Variants in SLC35D3 observed in about 807,000 individuals in gnomAD.
SLC35D3 encodes the protein solute carrier family 35 member D3, also known as frc, fringe-like 1.
A neutral mutation model predicts 20.3 loss-of-function variants in SLC35D3; 18 were observed. The observed-to-expected ratio is 0.89, with a 90% CI of 0.61 to 1.32. The LOEUF is 1.32. Ranked by LOEUF, SLC35D3 falls within the 40% of genes most tolerant of loss-of-function variation. The pLI is 0.00. For missense variants in SLC35D3, 556 were observed against 565.5 expected, an observed-to-expected ratio of 0.98 and a Z score of 0.17; for synonymous variants, 313 against 263.5, an observed-to-expected ratio of 1.19 and a Z score of -1.82.
chr6:136,923,649 G>C lies in SLC35D3; in HGVS notation c.440-236G>C, dbSNP rs1776091528. Among the ~76,000 whole-genome samples, 1 of 152,200 alleles carries C rather than the reference G, an allele frequency of 6.6e-6. No individual in the cohort carries two copies. On this transcript the variant is annotated intron_variant, in intron 1 of 1. Coordinates refer to ENST00000331858, the MANE Select transcript of SLC35D3 (RefSeq NM_001008783.3). The surrounding 1 kb of genome is among the most constrained non-coding windows in gnomAD (Gnocchi z 6.2). The stretch of plus-strand genomic sequence containing the variant: ...TGGACAGAGGAAGATGGAGTGACCC[G>C]GGGATATGGCGGGAAGGCGCTCTGA...
chr6:136,922,371 G>A lies in SLC35D3; in HGVS notation c.-58G>A. ...CGCCGCCCTCACTCCGCTGCTCCCG[G>A]CTCCTCGCGCGCAGGTCGCGGAGCT... On this transcript the variant is annotated 5_prime_UTR_variant, in exon 1 of 2. Coordinates refer to ENST00000331858, the MANE Select transcript of SLC35D3 (RefSeq NM_001008783.3). This position sits in a 1 kb window ranked among gnomAD's most constrained non-coding sequence, Gnocchi z 6.8. The A allele has an allele frequency of 7.3e-7, 1 of 1,366,386 alleles. No homozygotes were observed. The highest frequency in any genetic ancestry group is 9.4e-7 in the Non-Finnish European group (1 of 1,066,526). 84.6% of individuals were successfully genotyped at this position (1,366,386 alleles called of 1,614,324 possible).
chr6:136,922,612 C>T lies in SLC35D3; in HGVS notation c.184C>T (p.Leu62Phe). The change falls in exon 1 of 2, where the codon CTC (leucine) becomes TTC (phenylalanine). Residue 62 changes from leucine (L) to phenylalanine (F), a missense_variant. Physicochemically the swap from Leu to Phe is conservative, Grantham distance 22. Transcript: ENST00000331858. This position sits in a 1 kb window ranked among gnomAD's most constrained non-coding sequence, Gnocchi z 6.8. ...GCTGAGCCTGGAGCTGCTGCGGCGC[C>T]TCGGGCTCATCGCCGTGCCCCCCTT... is the stretch of plus-strand genomic sequence containing the variant. ...AALSLELLRRLGLIAVPPFGL... is the reference protein window; with the variant it reads ...AALSLELLRRFGLIAVPPFGL... 6.2e-7 allele frequency: 1 copy of T among 1,611,434 alleles called. No homozygotes were observed. Among genetic ancestry groups the T allele is most frequent in the Non-Finnish European group, 8.5e-7 (1 of 1,179,678 alleles).
rs1776085553 is a variant in SLC35D3, at chr6:136,923,126, C to T, written c.439+259C>T. Among the ~76,000 whole-genome samples the T allele has an allele frequency of 2.0e-5, 3 of 152,164 alleles. No homozygotes were observed. On this transcript the variant is annotated intron_variant, in intron 1 of 1. Coordinates refer to ENST00000331858, the MANE Select transcript of SLC35D3 (RefSeq NM_001008783.3). This position sits in a 1 kb window ranked among gnomAD's most constrained non-coding sequence, Gnocchi z 6.2. ...CCCTCGCCCATGCTTCACCCGGCAT[C>T]GCCCTTCCTGTCGCCCCCTCTCCTG...
rs2115308492 is a variant in SLC35D3, at chr6:136,923,659, C to A, written c.440-226C>A. Among the ~76,000 whole-genome samples the A allele has an allele frequency of 6.6e-6, 1 of 152,250 alleles. No homozygotes were observed. On this transcript the variant is annotated intron_variant, in intron 1 of 1. Coordinates refer to ENST00000331858, the MANE Select transcript of SLC35D3 (RefSeq NM_001008783.3). This position sits in a 1 kb window ranked among gnomAD's most constrained non-coding sequence, Gnocchi z 6.2. ...AAGATGGAGTGACCCGGGGATATGG[C>A]GGGAAGGCGCTCTGAGCACTGAGTT...
Position 136,924,658 on chromosome 6 carries a change from G to T in SLC35D3, c.1213G>T (p.Asp405Tyr). ...LVRGTRYMKK[D>Y]YLIENEELPS... ...TAGGGGAACCAGGTATATGAAGAAG[G>T]ATTATTTGATAGAAAACGAGGAGTT... The change falls in exon 2 of 2, where the codon GAT (aspartate) becomes TAT (tyrosine). Residue 405 changes from aspartate to tyrosine, a missense_variant. By Grantham distance (160) the Asp-to-Tyr change is radical (BLOSUM62 -3). Transcript: ENST00000331858. 6.8e-6 allele frequency: 11 copies of T among 1,613,514 alleles called. No homozygotes were observed. The highest frequency in any genetic ancestry group is 9.3e-6 in the Non-Finnish European group (11 of 1,179,680).
Position 136,922,898 on chromosome 6 carries a change from G to A in SLC35D3, c.439+31G>A. 3.3e-6 allele frequency: 5 copies of A among 1,492,766 alleles called. No homozygotes were observed. The highest frequency in any genetic ancestry group is 3.5e-6 in the Non-Finnish European group (4 of 1,127,900). 92.5% of individuals were successfully genotyped at this position (1,492,766 alleles called of 1,614,324 possible). ...CGGGCCCCCGCGCCGACCCCCAGCC[G>A]ACCCCACCCACCCCGCTCCGTCGGG... On this transcript the variant is annotated intron_variant, in intron 1 of 1. Coordinates refer to ENST00000331858, the MANE Select transcript of SLC35D3 (RefSeq NM_001008783.3). The surrounding 1 kb of genome is among the most constrained non-coding windows in gnomAD (Gnocchi z 6.8).
chr6:136,925,313 T>C lies in SLC35D3; in HGVS notation c.*617T>C, dbSNP rs937339261. 6.5e-6 allele frequency: 1 copy of C among 152,686 alleles called. No homozygotes were observed. Among genetic ancestry groups the C allele is most frequent in the Admixed American group, 6.5e-5 (1 of 15,282 alleles). 9.5% of individuals were successfully genotyped at this position (152,686 alleles called of 1,614,324 possible). A position where few individuals can be genotyped will look rare whatever the true frequency, so the allele number is the denominator to read the frequency against. On this transcript the variant is annotated 3_prime_UTR_variant, in exon 2 of 2. Transcript: ENST00000331858. The stretch of plus-strand genomic sequence containing the variant: ...AAAGCTATTTTGAAAATATGAGTTC[T>C]TAGCTTTAATCATGAAGTCTGAAGT...
At position 136,922,773 on chromosome 6, in the gene SLC35D3, C is replaced by G. The variant is rs992331496; in HGVS notation, c.345C>G (p.Thr115=). 1.3e-6 allele frequency: 2 copies of G among 1,566,162 alleles called. No individual in the cohort carries two copies. Among genetic ancestry groups the G allele is most frequent in the African/African-American group, 1.4e-5 (1 of 73,976 alleles). ...VVFKRCLPLV[T]MLIGVLVLKN... ...TCAAGCGCTGCCTGCCCCTGGTCACCATGCTCATCGGCGTCCTGGTGCTCA... is the reference window on the plus strand; with the variant it reads ...TCAAGCGCTGCCTGCCCCTGGTCACGATGCTCATCGGCGTCCTGGTGCTCA... The change falls in exon 1 of 2, where the codon ACC becomes ACG. Residue 115 remains threonine (T), a synonymous_variant. Transcript: ENST00000331858. This position sits in a 1 kb window ranked among gnomAD's most constrained non-coding sequence, Gnocchi z 6.8.
At position 136,924,533 on chromosome 6, in the gene SLC35D3, T is replaced by C; in HGVS notation, c.1088T>C (p.Val363Ala). The C allele has an allele frequency of 1.9e-6, 3 of 1,612,932 alleles. No homozygotes were observed. The highest frequency in any genetic ancestry group is 2.5e-6 in the Non-Finnish European group (3 of 1,179,816). Reference protein sequence around the residue: ...GGPAQESRQEVRGSPRGVPLV... With the variant: ...GGPAQESRQEARGSPRGVPLV... ...CCCGCTCAGGAGAGCAGGCAAGAGG[T>C]CAGGGGCAGCCCCCGAGGAGTCCCG... The change falls in exon 2 of 2, where the codon GTC becomes GCC. Residue 363 changes from valine to alanine, a missense_variant. By Grantham distance (64) the Val-to-Ala change is moderately conservative (BLOSUM62 0). Transcript: ENST00000331858.
At position 136,925,561 on chromosome 6, in the gene SLC35D3, A is replaced by G. The variant is rs1019370666; in HGVS notation, c.*865A>G. On this transcript the variant is annotated 3_prime_UTR_variant, in exon 2 of 2. Coordinates refer to ENST00000331858, the MANE Select transcript of SLC35D3 (RefSeq NM_001008783.3). ...TGCACATCCCAAACCATGTTACAAAAAGAGCAACTGCTATATTCACATTAT... is the reference window on the plus strand; with the variant it reads ...TGCACATCCCAAACCATGTTACAAAGAGAGCAACTGCTATATTCACATTAT... The G allele has an allele frequency of 6.6e-6, 1 of 152,238 alleles. No homozygotes were observed. The highest frequency in any genetic ancestry group is 2.4e-5 in the African/African-American group (1 of 41,466). 9.4% of individuals were successfully genotyped at this position (152,238 alleles called of 1,614,324 possible). A position where few individuals can be genotyped will look rare whatever the true frequency, so the allele number is the denominator to read the frequency against.
rs750289416 is a variant in SLC35D3 at position 136,924,125 on chromosome 6, G to C, written c.680G>C (p.Cys227Ser). Residue 227 changes from cysteine (C) to serine (S), a missense_variant, in exon 2 of 2, where the codon TGC becomes TCC. Physicochemically the swap from Cys to Ser is moderately radical, Grantham distance 112. Coordinates refer to ENST00000331858, the MANE Select transcript of SLC35D3 (RefSeq NM_001008783.3). ...GGCTGGAAGGACCCGGCCATGGTCT[G>C]CATCTTCGTGGCCTGCATCCTGATC... ...FPGWKDPAMV[C>S]IFVACILIGC... 6.2e-7 allele frequency: 1 copy of C among 1,612,666 alleles called. No homozygotes were observed. Among genetic ancestry groups the C allele is most frequent in the Non-Finnish European group, 8.5e-7 (1 of 1,180,014 alleles).
rs1046508767 is a variant in SLC35D3, at chr6:136,925,412, G to A, written c.*716G>A. The A allele has an allele frequency of 3.3e-5, 5 of 152,452 alleles. No individual in the cohort carries two copies. The highest frequency in any genetic ancestry group is 6.6e-5 in the Admixed American group (1 of 15,262). 9.4% of individuals were successfully genotyped at this position (152,452 alleles called of 1,614,324 possible). A position where few individuals can be genotyped will look rare whatever the true frequency, so the allele number is the denominator to read the frequency against. On this transcript the variant is annotated 3_prime_UTR_variant, in exon 2 of 2. Transcript: ENST00000331858. ...ATATTTATTATTGAATGCCAAACCT[G>A]TTCTTTTTTTTACTGTGTCCAATAT... is the stretch of plus-strand genomic sequence containing the variant.
At position 136,923,774 on chromosome 6, in the gene SLC35D3, C is replaced by G; in HGVS notation, c.440-111C>G. 5 of 1,080,654 alleles carry G rather than the reference C, an allele frequency of 4.6e-6. No homozygotes were observed. The highest frequency in any genetic ancestry group is 3.1e-4 in the Middle Eastern group (1 of 3,202). 66.9% of individuals were successfully genotyped at this position (1,080,654 alleles called of 1,614,324 possible). A position where few individuals can be genotyped will look rare whatever the true frequency, so the allele number is the denominator to read the frequency against. ...GGCAGAGCTGGGGCGCGAACCCAGT[C>G]TCCTTTCCTACCCGACGCGTTTTCC... On this transcript the variant is annotated intron_variant, in intron 1 of 1. Coordinates refer to ENST00000331858, the MANE Select transcript of SLC35D3 (RefSeq NM_001008783.3). The surrounding 1 kb of genome is among the most constrained non-coding windows in gnomAD (Gnocchi z 6.2).
rs1776114429 is a variant in SLC35D3 at position 136,924,934 on chromosome 6, G to GC, written c.*239dup. Reference sequence around the variant, plus strand: ...ATGTGAAGCTACTTAACAAAGTAAGGCAACGTTTCTGCTTCAGACTCCTGG... The same window carrying GC: ...ATGTGAAGCTACTTAACAAAGTAAGGCCAACGTTTCTGCTTCAGACTCCTGG... On this transcript the variant is annotated 3_prime_UTR_variant, in exon 2 of 2. Coordinates refer to ENST00000331858, the MANE Select transcript of SLC35D3 (RefSeq NM_001008783.3). 2.3e-6 allele frequency: 1 copy of GC among 425,594 alleles called. No individual in the cohort carries two copies. Among genetic ancestry groups the GC allele is most frequent in the African/African-American group, 2.0e-5 (1 of 49,846 alleles). 26.4% of individuals were successfully genotyped at this position (425,594 alleles called of 1,614,324 possible). A position where few individuals can be genotyped will look rare whatever the true frequency, so the allele number is the denominator to read the frequency against.
chr6:136,924,794 A>G lies in SLC35D3; in HGVS notation c.*98A>G, dbSNP rs986458585. On this transcript the variant is annotated 3_prime_UTR_variant, in exon 2 of 2. Transcript: ENST00000331858. ...GGCCTCCCCGTTTTATTCTTTGAGG[A>G]GTGGGGAAGGGAAGAAAAGAAAGAA... is the stretch of plus-strand genomic sequence containing the variant. The G allele has an allele frequency of 5.8e-5, 71 of 1,216,058 alleles. No individual in the cohort carries two copies. Among genetic ancestry groups the G allele is most frequent in the Non-Finnish European group, 7.7e-5 (69 of 896,750 alleles). The allele number at this position is 1,216,058 out of a possible 1,614,324, so 75.3% of individuals were successfully genotyped here.
Position 136,922,697 on chromosome 6 carries a change from G to T in SLC35D3, c.269G>T (p.Ser90Ile). 1 of 1,598,378 alleles carries T rather than the reference G, an allele frequency of 6.3e-7. No homozygotes were observed. The highest frequency in any genetic ancestry group is 8.5e-7 in the Non-Finnish European group (1 of 1,173,780). Residue 90 changes from serine (S) to isoleucine (I), a missense_variant, in exon 1 of 2, where the codon AGC becomes ATC. Coordinates refer to ENST00000331858, the MANE Select transcript of SLC35D3 (RefSeq NM_001008783.3). The surrounding 1 kb of genome is among the most constrained non-coding windows in gnomAD (Gnocchi z 6.8). ...GVAVLSTLQS[S>I]LTLWSLRGLS... ...GCGGTGCTCTCCACGCTGCAGTCCA[G>T]CCTCACGCTCTGGTCCCTGCGCGGC... is the stretch of plus-strand genomic sequence containing the variant.
chr6:136,924,279 G>T lies in SLC35D3; in HGVS notation c.834G>T (p.Glu278Asp), dbSNP rs752255661. The T allele has an allele frequency of 1.9e-6, 3 of 1,613,988 alleles. No individual in the cohort carries two copies. The highest frequency in any genetic ancestry group is 2.5e-6 in the Non-Finnish European group (3 of 1,180,052). ...TVGMVAFSDV[E>D]PTSLFIAGVV... Reference sequence around the variant, plus strand: ...GCATGGTGGCCTTCAGCGACGTGGAGCCCACCTCTCTGTTCATTGCCGGCG... The same window carrying T: ...GCATGGTGGCCTTCAGCGACGTGGATCCCACCTCTCTGTTCATTGCCGGCG... Residue 278 changes from glutamate to aspartate, a missense_variant, in exon 2 of 2, where the codon GAG becomes GAT. Coordinates refer to ENST00000331858, the MANE Select transcript of SLC35D3 (RefSeq NM_001008783.3).
Position 136,922,903 on chromosome 6 carries a change from C to T in SLC35D3, c.439+36C>T. Reference sequence around the variant, plus strand: ...CCCCGCGCCGACCCCCAGCCGACCCCACCCACCCCGCTCCGTCGGGCAGAG... The same window carrying T: ...CCCCGCGCCGACCCCCAGCCGACCCTACCCACCCCGCTCCGTCGGGCAGAG... On this transcript the variant is annotated intron_variant, in intron 1 of 1. Transcript: ENST00000331858. The surrounding 1 kb of genome is among the most constrained non-coding windows in gnomAD (Gnocchi z 6.8). 4 of 1,488,644 alleles carry T rather than the reference C, an allele frequency of 2.7e-6. No individual in the cohort carries two copies. Among genetic ancestry groups the T allele is most frequent in the Non-Finnish European group, 3.5e-6 (4 of 1,126,974 alleles). The allele number at this position is 1,488,644 out of a possible 1,614,324, so 92.2% of individuals were successfully genotyped here.
rs1384988095 is a variant in SLC35D3 at position 136,924,100 on chromosome 6, G to T, written c.655G>T (p.Gly219Cys). ...CTCCATCCACGCCTGGACCTTCCCG[G>T]GCTGGAAGGACCCGGCCATGGTCTG... ...TDSIHAWTFP[G>C]WKDPAMVCIF... The change falls in exon 2 of 2, where the codon GGC (glycine) becomes TGC (cysteine). Residue 219 changes from glycine (G) to cysteine (C), a missense_variant. Gly to Cys is a radical substitution (Grantham distance 159). Transcript: ENST00000331858. The T allele has an allele frequency of 1.2e-6, 2 of 1,612,558 alleles. No homozygotes were observed. The highest frequency in any genetic ancestry group is 3.3e-5 in the Admixed American group (2 of 59,994).
Sources: allele counts gnomAD v4.1 joint callset (sites outside exome capture counted in the v4.1 genomes callset), GRCh38; gene constraint gnomAD v4.1.1; non-coding constraint Gnocchi (gnomAD v3.1); transcripts MANE v1.5; gene names NCBI Gene and HGNC (gene_info 2026-07-23, HGNC 2026-07-21).